R3HDM1: variants seen among roughly 807,000 people sequenced by gnomAD.
The protein encoded by R3HDM1 is R3H domain containing 1, also known as R3H domain-containing protein 1.
R3HDM1 carries 46 observed loss-of-function variants against 141.1 expected under a neutral mutation model. The ratio of observed to expected loss-of-function variants is 0.33; its 90% CI spans 0.26 to 0.42. The LOEUF (loss-of-function observed/expected upper bound fraction) is 0.42, where lower values mean the gene tolerates loss of function less well. Among genes scored for constraint, R3HDM1 ranks in the 10% least tolerant of loss-of-function variants. The probability of loss-of-function intolerance (pLI) is 1.00; values close to 1 mark genes in which losing one functional copy is unlikely to be tolerated. For missense variants in R3HDM1, 1,184 were observed against 1,368.3 expected (o/e 0.87, Z 2.12); for synonymous variants, 435 against 472.9 (o/e 0.92, Z 1.04).
intron 1 of R3HDM1, chr2:135,536,747 C>T (rs2104879000): frequency 2.0e-6 from 2 of 977,660 alleles, no homozygotes; most frequent in Non-Finnish European, 2.4e-6. Context: ...GGCAGAGGTC[C>T]CCAACCCTTA....
chr2:135,564,367 G>A (rs781196400), intron 1 of R3HDM1, among the ~76,000 whole-genome samples: 34 of 152,094 alleles, frequency 2.2e-4, no homozygotes, highest in African/African-American at 7.0e-4. Flanking sequence ...TTGCCCAGGC[G>A]GGAGTGCAGT....
intron 1 of R3HDM1, among the ~76,000 whole-genome samples, chr2:135,536,274 C>T (rs116039895): frequency 1.3e-4 from 20 of 152,240 alleles, no homozygotes; most frequent in South Asian, 6.2e-4. Context: ...CAAGTAACTA[C>T]GACTACAAAC....
chr2:135,634,764 T>C lies in R3HDM1; in HGVS notation c.699-1126T>C, dbSNP rs372927146. ...TACTTAGGTTATTCACATATATCAT[T>C]TGATATTTGAACTATAAAAACTACC... On this transcript the variant is annotated intron_variant, in intron 9 of 26. Transcript: ENST00000683871. 2.0e-5 allele frequency among the ~76,000 whole-genome samples: 3 copies of C among 152,248 alleles called. No homozygotes were observed. The South Asian group carries it at 6.2e-4, about 31-fold the overall frequency.
chr2:135,599,922 TACTC>T (rs913599156), intron 1 of R3HDM1, among the ~76,000 whole-genome samples: 1 of 151,864 alleles, frequency 6.6e-6, no homozygotes, highest in Admixed American at 6.6e-5. Context: ...TAGTCGCAGT[TACTC>T]AGGAGGCCGG....
At chr2:135,640,892 T>C (rs1287491974) in intron 14 of R3HDM1, among the ~76,000 whole-genome samples, 2 of 152,206 alleles carry the variant, frequency 1.3e-5, no homozygotes, top group Admixed American at 6.5e-5. Flanking sequence ...ATTAGTTCAG[T>C]AAGAAATAAA....
At chr2:135,579,598 G>T (rs78420863) in intron 1 of R3HDM1, among the ~76,000 whole-genome samples, 13 of 150,142 alleles carry the variant, frequency 8.7e-5, no homozygotes, top group Admixed American at 6.6e-4. Flanking sequence ...GGGGTGGCGG[G>T]GGGGGGTGGA....
intron 10 of R3HDM1, 32 bp downstream of exon 10, chr2:135,636,030 G>C (rs2063212071): frequency 6.2e-7 from 1 of 1,610,448 alleles, no homozygotes; most frequent in African/African-American, 1.3e-5. Context: ...ATTTGTATAG[G>C]TGCAAGACAT....
intron 7 of R3HDM1, among the ~76,000 whole-genome samples, chr2:135,626,207 G>A (rs1017509347): frequency 1.3e-5 from 2 of 151,524 alleles, no homozygotes; most frequent in Non-Finnish European, 2.9e-5. Flanking sequence ...GTGCGTGCGT[G>A]CGTGCTTGCT....
intron 1 of R3HDM1, among the ~76,000 whole-genome samples, chr2:135,593,738 T>A (rs1175135905): frequency 6.6e-6 from 1 of 150,742 alleles, no homozygotes; most frequent in Non-Finnish European, 1.5e-5. Flanking sequence ...TTTATTTTTT[T>A]GAGACGGAGT....
intron 1 of R3HDM1, among the ~76,000 whole-genome samples, chr2:135,591,190 G>C (rs1709189954): frequency 1.3e-5 from 2 of 152,136 alleles, no homozygotes. Context: ...TGTGCCAGGA[G>C]CCCAGCGTGA....
intron 1 of R3HDM1, among the ~76,000 whole-genome samples, chr2:135,548,810 T>G (rs1163720016): frequency 6.6e-6 from 1 of 152,250 alleles, no homozygotes; most frequent in Non-Finnish European, 1.5e-5. Context: ...TCCTTTCTGT[T>G]GATGGCTTCC....
At chr2:135,553,108 G>C (rs1185204491) in intron 1 of R3HDM1, among the ~76,000 whole-genome samples, 2 of 152,100 alleles carry the variant, frequency 1.3e-5, no homozygotes, top group Non-Finnish European at 2.9e-5. Flanking sequence ...TAACTCAACT[G>C]ATCTACCTGC....
At chr2:135,638,496 C>T in intron 11 of R3HDM1, 122 bp from the exon 12 acceptor site, 1 of 983,596 alleles carries the variant, frequency 1.0e-6, no homozygotes, top group Non-Finnish European at 1.5e-6. Context: ...TATTTGTGTA[C>T]CCTTATCACC....
chr2:135,554,669 CT>C (rs1362550030), intron 1 of R3HDM1, among the ~76,000 whole-genome samples: 1 of 152,108 alleles, frequency 6.6e-6, no homozygotes, highest in Non-Finnish European at 1.5e-5. Flanking sequence ...ATATTAATAA[CT>C]GGTGTCTATA....
At chr2:135,582,149 G>A (rs1169986140) in intron 1 of R3HDM1, among the ~76,000 whole-genome samples, 1 of 152,094 alleles carries the variant, frequency 6.6e-6, no homozygotes, top group East Asian at 1.9e-4. Flanking sequence ...CTAACATGGT[G>A]AAACCCCGTT....
At chr2:135,542,352 A>G (rs1249138492) in intron 1 of R3HDM1, among the ~76,000 whole-genome samples, 2 of 152,240 alleles carry the variant, frequency 1.3e-5, no homozygotes, top group African/African-American at 2.4e-5. Flanking sequence ...TTACTAAGCC[A>G]TGTTCACATG....
intron 1 of R3HDM1, among the ~76,000 whole-genome samples, chr2:135,569,498 A>T (rs1703567120): frequency 6.6e-6 from 1 of 151,976 alleles, no homozygotes; most frequent in Non-Finnish European, 1.5e-5. Context: ...AAAAAAATTC[A>T]TAATCACAGA....
At chr2:135,665,347 T>G (rs746372234) in intron 19 of R3HDM1, 3 of 504,118 alleles carry the variant, frequency 6.0e-6, no homozygotes, top group African/African-American at 5.9e-5. Flanking sequence ...TTGACAAGTT[T>G]GTAGCTTCAC....
At chr2:135,553,827 A>C (rs1399290981) in intron 1 of R3HDM1, among the ~76,000 whole-genome samples, 1 of 152,200 alleles carries the variant, frequency 6.6e-6, no homozygotes, top group African/African-American at 2.4e-5. Context: ...AGTAGCTGGG[A>C]TTACAGGCGT....
Sources: gnomAD v4.1 joint callset for allele counts (sites outside exome capture counted in the v4.1 genomes callset) on GRCh38, gnomAD v4.1.1 for gene constraint, MANE v1.5 for transcripts, NCBI Gene and HGNC (gene_info 2026-07-23, HGNC 2026-07-21) for gene names.